Variants in VAT1L observed in about 807,000 individuals in gnomAD.
VAT1L encodes putative NADPH-dependent quinone oxidoreductase VAT1L.
Under a neutral mutation model 44.1 loss-of-function variants are expected in VAT1L, and 34 were observed. The ratio of observed to expected loss-of-function variants is 0.77; its 90% CI spans 0.59 to 1.03. VAT1L has a LOEUF of 1.03. Ranked by LOEUF, VAT1L falls within the 50% of genes least tolerant of loss-of-function variation. VAT1L has a pLI of 0.00. For synonymous variants in VAT1L, 253 were observed against 202.2 expected, an observed-to-expected ratio of 1.25 and a Z score of -2.13; for missense variants, 615 against 538.8, an observed-to-expected ratio of 1.14 and a Z score of -1.40.
intron 7 of VAT1L, among the ~76,000 whole-genome samples, chr16:77,937,431 TAAAG>T (rs1035055416): frequency 6.6e-6 from 1 of 152,118 alleles, no homozygotes; most frequent in Non-Finnish European, 1.5e-5. Flanking sequence ...ATGTAAGAAT[TAAAG>T]AAAGAGGAGA....
intron 3 of VAT1L, among the ~76,000 whole-genome samples, chr16:77,861,513 G>C (rs1019674686): frequency 6.6e-6 from 1 of 152,216 alleles, no homozygotes; most frequent in African/African-American, 2.4e-5. Context: ...CTCGGCAATG[G>C]ATATAATAAG....
intron 7 of VAT1L, among the ~76,000 whole-genome samples, chr16:77,957,785 A>T (rs138131727): frequency 0.027 from 4,071 of 148,814 alleles, 83 homozygotes; most frequent in Non-Finnish European, 0.041. Flanking sequence ...TAAAATTTAT[A>T]ATAATAATAA....
At chr16:77,956,670 G>T (rs1415768104) in intron 7 of VAT1L, among the ~76,000 whole-genome samples, 1 of 152,174 alleles carries the variant, frequency 6.6e-6, no homozygotes, top group Non-Finnish European at 1.5e-5. Flanking sequence ...CCTATAGTTT[G>T]CTCCTCCTAT....
At chr16:77,855,282 G>C (rs1393014596) in intron 3 of VAT1L, among the ~76,000 whole-genome samples, 1 of 151,724 alleles carries the variant, frequency 6.6e-6, no homozygotes, top group Non-Finnish European at 1.5e-5. Flanking sequence ...AGAGGTTACG[G>C]TGAGCCGAGA....
intron 7 of VAT1L, among the ~76,000 whole-genome samples, chr16:77,936,499 C>T (rs2017798466): frequency 6.6e-6 from 1 of 152,038 alleles, no homozygotes; most frequent in Non-Finnish European, 1.5e-5. Flanking sequence ...CTTAAGTCAA[C>T]TAAAGATGAG....
chr16:77,965,771 C>T (rs557911148), intron 7 of VAT1L, among the ~76,000 whole-genome samples: 1 of 152,268 alleles, frequency 6.6e-6, no homozygotes, highest in Admixed American at 6.5e-5. Context: ...GGACAAAGAC[C>T]TCTAGGTGAG....
chr16:77,850,050 A>G (rs757794140), intron 3 of VAT1L, among the ~76,000 whole-genome samples: 3 of 152,224 alleles, frequency 2.0e-5, no homozygotes, highest in Non-Finnish European at 2.9e-5. Flanking sequence ...TCCAGCAAAC[A>G]TGGACACGCG....
chr16:77,896,075 G>A (rs1174418372), intron 7 of VAT1L, among the ~76,000 whole-genome samples: 1 of 152,198 alleles, frequency 6.6e-6, no homozygotes, highest in Non-Finnish European at 1.5e-5. Flanking sequence ...CTCGAATGGA[G>A]GGGAGAGGAA....
At chr16:77,878,855 C>G (rs1191176978) in intron 5 of VAT1L, among the ~76,000 whole-genome samples, 3 of 152,140 alleles carry the variant, frequency 2.0e-5, no homozygotes, top group Non-Finnish European at 4.4e-5. Context: ...AAGAACAGAC[C>G]TAAAAAGACA....
chr16:77,844,767 TG>T (rs1223247641), intron 3 of VAT1L, among the ~76,000 whole-genome samples: 2 of 152,162 alleles, frequency 1.3e-5, no homozygotes, highest in Admixed American at 6.5e-5. Flanking sequence ...AGAGGGCTCC[TG>T]GAACCAATCA....
At chr16:77,821,217 A>C (rs184132578) in intron 2 of VAT1L, among the ~76,000 whole-genome samples, 1 of 152,186 alleles carries the variant, frequency 6.6e-6, no homozygotes, top group South Asian at 2.1e-4. Context: ...CTAGTCATGT[A>C]AAAGGATAAG....
chr16:77,952,807 AG>A (rs2018059240), intron 7 of VAT1L, among the ~76,000 whole-genome samples: 1 of 143,280 alleles, frequency 7.0e-6, no homozygotes, highest in South Asian at 2.3e-4. Context: ...CACTGAGCCA[AG>A]ATGGTACCAC....
intron 1 of VAT1L, among the ~76,000 whole-genome samples, chr16:77,807,202 C>A (rs544069610): frequency 1.3e-5 from 2 of 152,180 alleles, no homozygotes; most frequent in African/African-American, 4.8e-5. Context: ...TCACACTACT[C>A]TTCTTGTAGT....
intron 3 of VAT1L, among the ~76,000 whole-genome samples, chr16:77,828,838 A>G (rs1182217348): frequency 6.6e-6 from 1 of 152,182 alleles, no homozygotes; most frequent in Non-Finnish European, 1.5e-5. Flanking sequence ...TTGAGCTTTC[A>G]GAAGGAATAC....
chr16:77,828,725 A>T (rs1310328088), intron 3 of VAT1L, among the ~76,000 whole-genome samples: 1 of 152,090 alleles, frequency 6.6e-6, no homozygotes, highest in East Asian at 1.9e-4. Flanking sequence ...TCAGAGAGAG[A>T]ATGAGAGAAG....
At chr16:77,812,711 A>G (rs1275361705) in intron 1 of VAT1L, among the ~76,000 whole-genome samples, 1 of 151,974 alleles carries the variant, frequency 6.6e-6, no homozygotes, top group African/African-American at 2.4e-5. Flanking sequence ...CTGTCCCCCA[A>G]TTTTCCTGTA....
Position 77,879,983 on chromosome 16 carries a change from G to A in VAT1L, c.882+759G>A, listed in dbSNP as rs1002607900. On this transcript the variant is annotated intron_variant, in intron 6 of 8. Transcript: ENST00000302536. This position sits in a 1 kb window ranked among gnomAD's most constrained non-coding sequence, Gnocchi z 4.1. ...CCTATGACCTTAACAAGATCCTGAG[G>A]TGACTTGTAGACTCAGACAAGCTCA... 3.9e-5 allele frequency among the ~76,000 whole-genome samples: 6 copies of A among 152,108 alleles called. No individual in the cohort carries two copies. The highest frequency in any genetic ancestry group is 7.3e-5 in the Non-Finnish European group (5 of 68,036).
chr16:77,929,063 C>T (rs1462170727), intron 7 of VAT1L, among the ~76,000 whole-genome samples: 1 of 152,188 alleles, frequency 6.6e-6, no homozygotes, highest in Non-Finnish European at 1.5e-5. Context: ...GATCCGCCCC[C>T]TTGGCCTCCC....
intron 7 of VAT1L, among the ~76,000 whole-genome samples, chr16:77,951,118 T>TA (rs2142523690): frequency 6.6e-6 from 1 of 152,362 alleles, no homozygotes; most frequent in Non-Finnish European, 1.5e-5. Context: ...AATGGAAAGA[T>TA]ACGTTGGCTG....
Sources: allele counts gnomAD v4.1 joint callset (sites outside exome capture counted in the v4.1 genomes callset), GRCh38; gene constraint gnomAD v4.1.1; non-coding constraint Gnocchi (gnomAD v3.1); transcripts MANE v1.5; gene names NCBI Gene and HGNC (gene_info 2026-07-23, HGNC 2026-07-21).